Variants in RAB44 observed in about 807,000 individuals in gnomAD.
RAB44 encodes the protein ras-related protein Rab-44.
RAB44 carries 67 observed loss-of-function variants against 93.3 expected under a neutral mutation model. The ratio of observed to expected loss-of-function variants is 0.72; its 90% confidence interval spans 0.59 to 0.88. The LOEUF is 0.88. RAB44 is among the 40% of genes least tolerant of loss of function. The pLI is 0.00. For synonymous variants in RAB44, 427 were observed against 520.3 expected (o/e 0.82, Z 2.44); for missense variants, 1,064 against 1,261.7 (o/e 0.84, Z 2.37).
At chr6:36,705,043 C>T (rs916974662) in intron 2 of RAB44, among the ~76,000 whole-genome samples, 4 of 149,480 alleles carry the variant, frequency 2.7e-5, no homozygotes, top group Non-Finnish European at 5.9e-5. Context: ...TTGCTTGAGC[C>T]TGAGGAAGTG....
chr6:36,700,604 G>C (rs1762486586), intron 1 of RAB44, among the ~76,000 whole-genome samples: 1 of 151,398 alleles, frequency 6.6e-6, no homozygotes, highest in South Asian at 2.1e-4. Flanking sequence ...TGCCCAGCTA[G>C]TTTTATTTTA....
chr6:36,715,415 G>C, intron 3 of RAB44, 64 bp from the exon 4 acceptor site: 8 of 1,473,140 alleles, frequency 5.4e-6, no homozygotes, highest in Middle Eastern at 1.8e-4. Flanking sequence ...CCAGGGCTGG[G>C]TGGGAGGCCA....
At chr6:36,725,176 A>C (rs141325394) in intron 9 of RAB44, among the ~76,000 whole-genome samples, 53 of 147,234 alleles carry the variant, frequency 3.6e-4, no homozygotes, top group African/African-American at 1.3e-3. Flanking sequence ...TTAAAACAGC[A>C]TTTTTTTTTT....
rs368484406 is a variant in RAB44, at chr6:36,732,334, CAAAG to C, written c.*246_*249del. ...CAGGGGTATGGCAAAACTCTCCAAA[CAAAG>C]AAAGTCTAGAAAAACGACTTAAGGA... is the stretch of plus-strand genomic sequence containing the variant. On this transcript the variant is annotated 3_prime_UTR_variant, in exon 14 of 14. Transcript: ENST00000612677. 5.0e-5 allele frequency: 15 copies of C among 302,122 alleles called. No homozygotes were observed. Among genetic ancestry groups the C allele is most frequent in the Non-Finnish European group, 6.6e-5 (11 of 165,846 alleles). 18.7% of individuals were successfully genotyped at this position (302,122 alleles called of 1,614,324 possible).
intron 7 of RAB44, among the ~76,000 whole-genome samples, chr6:36,719,235 C>T (rs1763008715): frequency 6.6e-6 from 1 of 152,212 alleles, no homozygotes; most frequent in African/African-American, 2.4e-5. Context: ...CAAGAAGCAT[C>T]CCTTCAGCCC....
At chr6:36,725,262 G>A (rs137918919) in intron 9 of RAB44, among the ~76,000 whole-genome samples, 15 of 152,136 alleles carry the variant, frequency 9.9e-5, no homozygotes, top group South Asian at 4.1e-4. Context: ...TGTAACCTCC[G>A]CCTCCCGGGT....
chr6:36,721,347 C>G lies in RAB44; in HGVS notation c.1213C>G (p.Arg405Gly), dbSNP rs543039795. ...AGCCACCTCAGGCCCCCAGACACCC[C>G]GTGTGGTCAGGCAGATCTCCATCTC... is the stretch of plus-strand genomic sequence containing the variant. ...PRATSGPQTP[R>G]VVRQISISEP... Residue 405 changes from arginine to glycine, a missense_variant, in exon 9 of 14, where the codon CGT becomes GGT. Arg to Gly is a moderately radical substitution (Grantham distance 125). Transcript: ENST00000612677. 2.5e-5 allele frequency: 31 copies of G among 1,234,256 alleles called. No individual in the cohort carries two copies. Among genetic ancestry groups the G allele is most frequent in the South Asian group, 4.1e-5 (1 of 24,406 alleles). The allele number at this position is 1,234,256 out of a possible 1,614,324, so 76.5% of individuals were successfully genotyped here.
intron 1 of RAB44, among the ~76,000 whole-genome samples, chr6:36,699,944 A>G (rs1300218357): frequency 6.6e-6 from 1 of 152,208 alleles, no homozygotes; most frequent in Non-Finnish European, 1.5e-5. Flanking sequence ...CAGAGTACCA[A>G]CTGTGTGCCA....
Position 36,699,434 on chromosome 6 carries a change from A to G in RAB44, c.-13+1519A>G, listed in dbSNP as rs551355969. Among the ~76,000 whole-genome samples, 45 of 152,240 alleles carry G rather than the reference A, an allele frequency of 3.0e-4. No homozygotes were observed. The East Asian group carries it at 3.9e-3, about 13-fold the overall frequency. On this transcript the variant is annotated intron_variant, in intron 1 of 13. Coordinates refer to ENST00000612677, the MANE Select transcript of RAB44 (RefSeq NM_001257357.2). ...ACATCACAGTGGACTTTGCTTCTGG[A>G]GGCTTCTGCACAGGGAATCTTATCT...
Position 36,732,034 on chromosome 6 carries a change from G to C in RAB44, c.3007G>C (p.Asp1003His). Residue 1003 changes from aspartate to histidine, a missense_variant, in exon 14 of 14, where the codon GAC becomes CAC. Transcript: ENST00000612677. Reference sequence around the variant, plus strand: ...CAGGATGCAAGAAGAAGGCCTGAAGGACTCGCTGGTGAAGGTGGCCCCCAA... The same window carrying C: ...CAGGATGCAAGAAGAAGGCCTGAAGCACTCGCTGGTGAAGGTGGCCCCCAA... ...SLRMQEEGLK[D>H]SLVKVAPKRP... The C allele has an allele frequency of 8.1e-7, 1 of 1,234,506 alleles. No homozygotes were observed. Among genetic ancestry groups the C allele is most frequent in the African/African-American group, 1.5e-5 (1 of 64,600 alleles). The allele number at this position is 1,234,506 out of a possible 1,614,324, so 76.5% of individuals were successfully genotyped here.
Position 36,733,122 on chromosome 6 carries a change from T to G in RAB44, c.*1029T>G, listed in dbSNP as rs236459. The G allele has an allele frequency of 0.44, 66,486 of 152,112 alleles. 14,620 individuals carry two copies. Among genetic ancestry groups the G allele is most frequent in the Non-Finnish European group, 0.47 (31,880 of 67,970 alleles). The allele number at this position is 152,112 out of a possible 1,614,324, so 9.4% of individuals were successfully genotyped here. ...AGTCTTGGAGAGACGGCCATGGTCT[T>G]CGTTTGTATGTCTGTCACATCTTAC... On this transcript the variant is annotated 3_prime_UTR_variant, in exon 14 of 14. Coordinates refer to ENST00000612677, the MANE Select transcript of RAB44 (RefSeq NM_001257357.2).
intron 2 of RAB44, among the ~76,000 whole-genome samples, chr6:36,709,848 T>G (rs992973092): frequency 2.0e-5 from 3 of 152,164 alleles, no homozygotes; most frequent in Non-Finnish European, 4.4e-5. Flanking sequence ...TGAGCCACCA[T>G]GCCCAGCCTG....
At chr6:36,725,712 GGATGGGAT>G (rs1262005907) in intron 9 of RAB44, 142 bp from the exon 10 acceptor site, 57 of 633,804 alleles carry the variant, frequency 9.0e-5, no homozygotes, top group Non-Finnish European at 1.6e-4. Flanking sequence ...CCTCGAGTAT[GGATGGGAT>G]GCAGAGCCGA....
At chr6:36,701,357 G>A (rs1377532222) in intron 1 of RAB44, among the ~76,000 whole-genome samples, 3 of 152,082 alleles carry the variant, frequency 2.0e-5, no homozygotes, top group African/African-American at 4.8e-5. Flanking sequence ...AATCCACCCC[G>A]TTGGCCTCCC....
At chr6:36,715,996 C>T (rs1762910620) in intron 4 of RAB44, among the ~76,000 whole-genome samples, 2 of 152,218 alleles carry the variant, frequency 1.3e-5, no homozygotes, top group Admixed American at 1.3e-4. Context: ...TCCCAAGGCA[C>T]ATGAATTCTT....
At chr6:36,728,401 G>A (rs920836629) in intron 11 of RAB44, among the ~76,000 whole-genome samples, 1 of 152,188 alleles carries the variant, frequency 6.6e-6, no homozygotes, top group Non-Finnish European at 1.5e-5. Context: ...GAGACAATTG[G>A]GAAAATGTAT....
In RAB44 at chr6:36,722,130, C is replaced by A; in HGVS notation, c.1996C>A (p.Pro666Thr). The stretch of plus-strand genomic sequence containing the variant: ...TGGGCTGGGTGAGCTGTCTGCCTTC[C>A]CCCACCAGGAGCTGGAAGAGGAACC... The part of the protein sequence containing the change: ...VLGLGELSAF[P>T]HQELEEEPRS... The change falls in exon 9 of 14, where the codon CCC (proline) becomes ACC (threonine). Residue 666 changes from proline (P) to threonine (T), a missense_variant. Pro to Thr is a conservative substitution (Grantham distance 38). Coordinates refer to ENST00000612677, the MANE Select transcript of RAB44 (RefSeq NM_001257357.2). 1 of 1,236,532 alleles carries A rather than the reference C, an allele frequency of 8.1e-7. No individual in the cohort carries two copies. Among genetic ancestry groups the A allele is most frequent in the Middle Eastern group, 2.1e-4 (1 of 4,850 alleles). The allele number at this position is 1,236,532 out of a possible 1,614,324, so 76.6% of individuals were successfully genotyped here. A position where few individuals can be genotyped will look rare whatever the true frequency, so the allele number is the denominator to read the frequency against.
intron 7 of RAB44, among the ~76,000 whole-genome samples, chr6:36,720,065 G>A (rs1288542297): frequency 6.6e-6 from 1 of 152,226 alleles, no homozygotes; most frequent in African/African-American, 2.4e-5. Context: ...GTAGGGCGCT[G>A]AGTAGAGGAG....
intron 2 of RAB44, among the ~76,000 whole-genome samples, chr6:36,712,659 C>A (rs1762816153): frequency 6.6e-6 from 1 of 152,168 alleles, no homozygotes; most frequent in Admixed American, 6.6e-5. Context: ...GCCACTGCAC[C>A]CGGCCTGGAA....
Sources: allele counts gnomAD v4.1 joint callset (sites outside exome capture counted in the v4.1 genomes callset), GRCh38; gene constraint gnomAD v4.1.1; transcripts MANE v1.5; gene names NCBI Gene and HGNC (gene_info 2026-07-23, HGNC 2026-07-21).